Variants in PATL1 observed in about 807,000 individuals in gnomAD.
The protein encoded by PATL1 is PAT1 homolog 1, processing body mRNA decay factor, also known as protein PAT1 homolog 1.
In PATL1, 32 loss-of-function variants were observed where a neutral mutation model predicts 100.6. The ratio of observed to expected loss-of-function variants is 0.32; its 90% CI spans 0.24 to 0.43. The LOEUF is 0.43. Among genes scored for constraint, PATL1 ranks in the 20% least tolerant of loss-of-function variants. The pLI is 1.00. For missense variants in PATL1, 747 were observed against 949.9 expected, an observed-to-expected ratio of 0.79 and a Z score of 2.81; for synonymous variants, 332 against 330.0, an observed-to-expected ratio of 1.01 and a Z score of -0.07.
Position 59,657,459 on chromosome 11 carries a change from T to C in PATL1, c.621+71A>G, listed in dbSNP as rs1008059352. On this transcript the variant is annotated intron_variant, in intron 5 of 18. Transcript: ENST00000300146. Reference sequence around the variant, plus strand: ...CAAAATTTCCACCCTCCACCCAACATCACCAATTTTCCAAATAATTTTGCC... The same window carrying C: ...CAAAATTTCCACCCTCCACCCAACACCACCAATTTTCCAAATAATTTTGCC... 2.2e-6 allele frequency: 3 copies of C among 1,346,956 alleles called. No individual in the cohort carries two copies. The Admixed American group carries it at 7.0e-5, about 31-fold the overall frequency. The allele number at this position is 1,346,956 out of a possible 1,614,324, so 83.4% of individuals were successfully genotyped here.
At chr11:59,658,990 T>C (rs1214315724) in intron 3 of PATL1, 44 bp from the exon 4 acceptor site, 3 of 1,476,998 alleles carry the variant, frequency 2.0e-6, no homozygotes, top group Admixed American at 2.3e-5. Flanking sequence ...TGTTGTATAC[T>C]CTCTGGGTGA....
chr11:59,639,360 G>A lies in PATL1; in HGVS notation c.2073C>T (p.Ile691=). Residue 691 remains isoleucine (I), a synonymous_variant, in exon 17 of 19, where the codon ATC becomes ATT. Transcript: ENST00000300146. ...GTAGGTCTTCACCACGGCTCAGGAG[G>A]ATGAGGAGCAGTGACAGGCCAAACT... is the stretch of plus-strand genomic sequence containing the variant. ...QNKFGLSLLL[I]LLSRGEDLQS... is the part of the protein sequence containing the mutation. The A allele has an allele frequency of 6.5e-7, 1 of 1,550,260 alleles. No individual in the cohort carries two copies.
In PATL1 at chr11:59,639,187, T is replaced by C; in HGVS notation, c.2152A>G (p.Met718Val). ...STQNNQWTEV[M>V]FMATRELLRI... ...AGAAGTTCTCGTGTTGCCATGAACA[T>C]CACCTCCGTCCTGACAGGGAAGACC... Residue 718 changes from methionine to valine, a missense_variant, in exon 18 of 19, where the codon ATG becomes GTG. By Grantham distance (21) the Met-to-Val change is conservative (BLOSUM62 1). This residue lies in a region of PATL1 where 434 missense variants were observed against 596.1 expected (regional missense o/e 0.73). Transcript: ENST00000300146. The C allele has an allele frequency of 6.2e-7, 1 of 1,613,784 alleles. No individual in the cohort carries two copies. The highest frequency in any genetic ancestry group is 8.5e-7 in the Non-Finnish European group (1 of 1,179,836).
chr11:59,667,057 C>T (rs1282392193), intron 1 of PATL1, 93 bp from the exon 2 acceptor site: 1 of 1,455,920 alleles, frequency 6.9e-7, no homozygotes, highest in East Asian at 2.6e-5. Flanking sequence ...TCTCAATGAA[C>T]ATAATTGCTT....
chr11:59,656,700 G>A (rs1464906815), intron 5 of PATL1, 100 bp from the exon 6 acceptor site: 3 of 1,023,610 alleles, frequency 2.9e-6, no homozygotes, highest in Non-Finnish European at 4.4e-6. Flanking sequence ...CGAACTCAAT[G>A]CAAAGCCCTA....
intron 15 of PATL1, among the ~76,000 whole-genome samples, chr11:59,646,019 G>A (rs746335709): frequency 6.6e-6 from 1 of 152,106 alleles, no homozygotes; most frequent in Non-Finnish European, 1.5e-5. Context: ...AGGCATTTTT[G>A]CATTCTTATC....
chr11:59,654,688 C>T (rs986339582), intron 8 of PATL1, among the ~76,000 whole-genome samples: 7 of 152,100 alleles, frequency 4.6e-5, no homozygotes, highest in African/African-American at 1.7e-4. Flanking sequence ...TTAACGTACT[C>T]AGCTTCAACT....
At position 59,651,434 on chromosome 11, in the gene PATL1, C is replaced by T. The variant is rs117560181; in HGVS notation, c.1524+110G>A. 2,858 of 791,588 alleles carry T rather than the reference C, an allele frequency of 3.6e-3. 10 individuals are homozygous for T. Among genetic ancestry groups the T allele is most frequent in the Non-Finnish European group, 4.6e-3 (2,269 of 492,784 alleles). The allele number at this position is 791,588 out of a possible 1,614,324, so 49.0% of individuals were successfully genotyped here. A position where few individuals can be genotyped will look rare whatever the true frequency, so the allele number is the denominator to read the frequency against. ...GAATGCATGACGAGGTGGGAGGCCC[C>T]GGGTTAGACTACAAACAACTCTACC... On this transcript the variant is annotated intron_variant, in intron 12 of 18. Coordinates refer to ENST00000300146, the MANE Select transcript of PATL1 (RefSeq NM_152716.3).
intron 9 of PATL1, 116 bp from the exon 10 acceptor site, chr11:59,653,134 TC>T: frequency 1.1e-6 from 1 of 887,838 alleles, no homozygotes; most frequent in Non-Finnish European, 1.7e-6. Context: ...CGTTTGCTTT[TC>T]TTAAAAGGGG....
chr11:59,639,892 G>A (rs1265096512), intron 16 of PATL1: 1 of 152,768 alleles, frequency 6.5e-6, no homozygotes, highest in Non-Finnish European at 1.5e-5. Context: ...ATGGTATAAA[G>A]AGAAACTTTC....
rs921541689 is a variant in PATL1 at position 59,654,164 on chromosome 11, G to T, written c.1032-92C>A. Reference sequence around the variant, plus strand: ...GTCAGTAGAGGATAACTTCATACAGGTTAACTTAAGGGACTACAAAAGTCT... The same window carrying T: ...GTCAGTAGAGGATAACTTCATACAGTTTAACTTAAGGGACTACAAAAGTCT... On this transcript the variant is annotated intron_variant, in intron 8 of 18. Coordinates refer to ENST00000300146, the MANE Select transcript of PATL1 (RefSeq NM_152716.3). The T allele has an allele frequency of 2.8e-5, 31 of 1,110,166 alleles. No homozygotes were observed. The African/African-American group carries it at 3.2e-4, about 12-fold the overall frequency. The allele number at this position is 1,110,166 out of a possible 1,614,324, so 68.8% of individuals were successfully genotyped here.
At chr11:59,657,838 T>TA in intron 4 of PATL1, 114 bp from the exon 5 acceptor site, 1 of 829,040 alleles carries the variant, frequency 1.2e-6, no homozygotes, top group Non-Finnish European at 1.7e-6. Flanking sequence ...TATTTATTTT[T>TA]AATTCACATA....
chr11:59,647,222 CA>C (rs1175300355), intron 15 of PATL1, among the ~76,000 whole-genome samples: 1,068 of 60,464 alleles, frequency 0.018, 7 homozygotes, highest in African/African-American at 0.055. Context: ...AACTCTGTCT[CA>C]AAAAAAAAAA....
intron 5 of PATL1, 68 bp downstream of exon 5, chr11:59,657,462 C>A: frequency 3.7e-6 from 5 of 1,359,844 alleles, no homozygotes; most frequent in South Asian, 1.8e-5. Context: ...CCCAACATCA[C>A]CAATTTTCCA....
At chr11:59,654,161 C>G (rs1239115189) in intron 8 of PATL1, 89 bp from the exon 9 acceptor site, 1 of 1,142,472 alleles carries the variant, frequency 8.8e-7, no homozygotes, top group African/African-American at 1.5e-5. Flanking sequence ...TAACTTCATA[C>G]AGGTTAACTT....
At chr11:59,668,825 TGAGGGAGAGGGGCGCGGGAGG>T in intron 1 of PATL1, 35 bp downstream of exon 1, 1 of 994,730 alleles carries the variant, frequency 1.0e-6, no homozygotes, top group Non-Finnish European at 1.5e-6. Flanking sequence ...GGAGAGAGAG[TGAGGGAGAGGGGCGCGGGAGG>T]GAGGGAGGGG....
At chr11:59,651,124 A>G (rs1024974225) in intron 12 of PATL1, among the ~76,000 whole-genome samples, 1 of 152,112 alleles carries the variant, frequency 6.6e-6, no homozygotes, top group African/African-American at 2.4e-5. Flanking sequence ...TGCAGGTTAT[A>G]GGGTACATGT....
At chr11:59,656,359 T>C in intron 6 of PATL1, 140 bp downstream of exon 6, 1 of 731,182 alleles carries the variant, frequency 1.4e-6, no homozygotes, top group Non-Finnish European at 2.2e-6. Context: ...GACAATTAGA[T>C]CCAGCAATTT....
At chr11:59,654,149 G>C (rs889832440) in intron 8 of PATL1, 77 bp from the exon 9 acceptor site, 1 of 1,249,522 alleles carries the variant, frequency 8.0e-7, no homozygotes, top group African/African-American at 1.5e-5. Flanking sequence ...GTCAGTAGAG[G>C]ATAACTTCAT....
Sources: allele counts gnomAD v4.1 joint callset (sites outside exome capture counted in the v4.1 genomes callset), GRCh38; gene constraint gnomAD v4.1.1; regional missense constraint gnomAD v4.1.1; transcripts MANE v1.5; gene names NCBI Gene and HGNC (gene_info 2026-07-23, HGNC 2026-07-21).